CTNNA2: variants seen among roughly 807,000 people sequenced by gnomAD.
CTNNA2 encodes the protein catenin alpha-2.
CTNNA2 carries 42 observed loss-of-function variants against 101.0 expected under a neutral mutation model. The ratio of observed to expected loss-of-function variants is 0.42; its 90% CI spans 0.32 to 0.54. The LOEUF (loss-of-function observed/expected upper bound fraction) is 0.54. Among genes scored for constraint, CTNNA2 ranks in the 20% least tolerant of loss-of-function variants. The probability of loss-of-function intolerance (pLI) is 0.14; values close to 1 mark genes in which losing one functional copy is unlikely to be tolerated. For missense variants in CTNNA2, 871 were observed against 1,223.1 expected (o/e 0.71, Z 4.29); for synonymous variants, 450 against 456.4 (o/e 0.99, Z 0.18).
chr2:80,257,210 C>G (rs758640538), intron 7 of CTNNA2, among the ~76,000 whole-genome samples: 4 of 151,636 alleles, frequency 2.6e-5, no homozygotes, highest in Non-Finnish European at 4.4e-5. Flanking sequence ...TTTTGAGCTA[C>G]GTGGTTATAA....
chr2:79,995,216 C>A (rs1423042648), intron 7 of CTNNA2, among the ~76,000 whole-genome samples: 1 of 152,166 alleles, frequency 6.6e-6, no homozygotes. Context: ...TGTTCCATTG[C>A]ATTAAAATGT....
chr2:79,498,524 G>A (rs1373493072), intron 4 of CTNNA2, among the ~76,000 whole-genome samples: 1 of 152,124 alleles, frequency 6.6e-6, no homozygotes, highest in African/African-American at 2.4e-5. Context: ...TTCGCAACAA[G>A]CTTCTGTTTG....
intron 6 of CTNNA2, among the ~76,000 whole-genome samples, chr2:79,875,613 G>A (rs1172961904): frequency 6.6e-6 from 1 of 152,006 alleles, no homozygotes; most frequent in Admixed American, 6.6e-5. Flanking sequence ...ATATAACTGA[G>A]GAATAATTTT....
intron 4 of CTNNA2, among the ~76,000 whole-genome samples, chr2:79,447,637 G>A (rs930714047): frequency 6.6e-6 from 1 of 152,002 alleles, no homozygotes; most frequent in Non-Finnish European, 1.5e-5. Flanking sequence ...TACATAGACT[G>A]TCAAGGACAT....
chr2:80,325,357 C>G (rs1679145703), intron 7 of CTNNA2, among the ~76,000 whole-genome samples: 1 of 152,174 alleles, frequency 6.6e-6, no homozygotes, highest in African/African-American at 2.4e-5. Flanking sequence ...ATTAAATGAT[C>G]TAATCCATTT....
At chr2:80,192,503 G>A (rs1558889675) in intron 7 of CTNNA2, among the ~76,000 whole-genome samples, 3 of 151,848 alleles carry the variant, frequency 2.0e-5, no homozygotes, top group Admixed American at 6.6e-5. Flanking sequence ...TCTTAAAATG[G>A]GCTAATCTGT....
chr2:79,796,968 G>A (rs1675759739), intron 3 of CTNNA2, among the ~76,000 whole-genome samples: 1 of 152,122 alleles, frequency 6.6e-6, no homozygotes, highest in South Asian at 2.1e-4. Context: ...TTCAATGAGA[G>A]TTGCCCTCCC....
chr2:79,697,984 G>A (rs888194611), intron 2 of CTNNA2: 1 of 151,824 alleles, frequency 6.6e-6, no homozygotes, highest in African/African-American at 2.4e-5. Context: ...ACATTAACTT[G>A]CTTTTTATTT....
At chr2:80,135,872 G>A (rs959567174) in intron 7 of CTNNA2, among the ~76,000 whole-genome samples, 29 of 152,094 alleles carry the variant, frequency 1.9e-4, no homozygotes, top group Non-Finnish European at 4.1e-4. Context: ...TTCTCCTTGT[G>A]CACTCCTTAT....
intron 7 of CTNNA2, among the ~76,000 whole-genome samples, chr2:80,168,258 ACT>A (rs1704824529): frequency 2.0e-5 from 3 of 152,074 alleles, no homozygotes; most frequent in African/African-American, 4.8e-5. Flanking sequence ...ATCCTGGAAG[ACT>A]CTCTGACCCT....
At chr2:79,297,070 C>T (rs1675996215) in intron 2 of CTNNA2, among the ~76,000 whole-genome samples, 1 of 152,092 alleles carries the variant, frequency 6.6e-6, no homozygotes, top group Non-Finnish European at 1.5e-5. Context: ...ATCTCTGCCC[C>T]TCCTCCACCC....
At chr2:79,257,827 T>G (rs2104282164) in intron 2 of CTNNA2, among the ~76,000 whole-genome samples, 1 of 152,050 alleles carries the variant, frequency 6.6e-6, no homozygotes, top group East Asian at 1.9e-4. Flanking sequence ...AAGAAGAAAT[T>G]TATTGTCTCA....
At chr2:79,220,151 CGT>C (rs1491218288) in intron 2 of CTNNA2, among the ~76,000 whole-genome samples, 2 of 151,260 alleles carry the variant, frequency 1.3e-5, no homozygotes, top group Admixed American at 1.3e-4. Context: ...CAAAATTGGC[CGT>C]ATATATATGT....
chr2:80,296,752 G>A (rs1675782311), intron 7 of CTNNA2, among the ~76,000 whole-genome samples: 1 of 152,052 alleles, frequency 6.6e-6, no homozygotes, highest in Non-Finnish European at 1.5e-5. Context: ...TTGATGTGGG[G>A]GATGTCCTTT....
intron 7 of CTNNA2, among the ~76,000 whole-genome samples, chr2:80,390,172 A>G (rs1271253717): frequency 6.6e-6 from 1 of 152,110 alleles, no homozygotes; most frequent in East Asian, 1.9e-4. Flanking sequence ...TTCCTATTCT[A>G]ATCTTACCCA....
chr2:79,824,771 G>GAT (rs1558555155), intron 3 of CTNNA2, among the ~76,000 whole-genome samples: 5 of 152,114 alleles, frequency 3.3e-5, no homozygotes. Flanking sequence ...TTGTGATACA[G>GAT]ATATACCTTC....
At chr2:79,334,483 T>A (rs1676948107) in intron 3 of CTNNA2, among the ~76,000 whole-genome samples, 1 of 152,080 alleles carries the variant, frequency 6.6e-6, no homozygotes, top group Non-Finnish European at 1.5e-5. Flanking sequence ...TCATTTAGAC[T>A]AGGAGCATCC....
intron 4 of CTNNA2, among the ~76,000 whole-genome samples, chr2:79,468,428 T>C (rs1670962317): frequency 6.6e-6 from 1 of 152,050 alleles, no homozygotes; most frequent in Non-Finnish European, 1.5e-5. Flanking sequence ...ACAATAATAA[T>C]GGGAGACTTT....
intron 3 of CTNNA2, among the ~76,000 whole-genome samples, chr2:79,855,603 G>A (rs1337461168): frequency 6.6e-6 from 1 of 152,124 alleles, no homozygotes; most frequent in Non-Finnish European, 1.5e-5. Context: ...GCAGGGAAGG[G>A]GTGTGACTGC....
Sources: allele counts gnomAD v4.1 joint callset (sites outside exome capture counted in the v4.1 genomes callset), GRCh38; gene constraint gnomAD v4.1.1; transcripts MANE v1.5; gene names NCBI Gene and HGNC (gene_info 2026-07-23, HGNC 2026-07-21).